SNAP25: variants seen among roughly 807,000 people sequenced by gnomAD.
SNAP25 encodes the protein synaptosome associated protein 25, also known as synaptosomal-associated protein 25.
SNAP25 carries 3 observed loss-of-function variants against 28.7 expected under a neutral mutation model. The ratio of observed to expected loss-of-function variants is 0.10; its 90% CI spans 0.05 to 0.27. The LOEUF (loss-of-function observed/expected upper bound fraction) is 0.27. Among genes scored for constraint, SNAP25 ranks in the 10% least tolerant of loss-of-function variants. The pLI, the probability that SNAP25 is intolerant of heterozygous loss-of-function variation, is 1.00. For missense variants in SNAP25, 117 were observed against 278.7 expected, an observed-to-expected ratio of 0.42 and a Z score of 4.13; for synonymous variants, 61 against 88.1, an observed-to-expected ratio of 0.69 and a Z score of 1.72.
At position 10,300,417 on chromosome 20, in the gene SNAP25, G is replaced by A. The variant is rs148767352; in HGVS notation, c.552+1005G>A. On this transcript the variant is annotated intron_variant, in intron 7 of 7. Coordinates refer to ENST00000254976, the MANE Select transcript of SNAP25 (RefSeq NM_130811.4). The stretch of plus-strand genomic sequence containing the variant: ...GAAAAAGAGACATTATAGATTTAAC[G>A]ATAATTGTACATCTATAATCTACTC... Among the ~76,000 whole-genome samples, 4 of 152,262 alleles carry A rather than the reference G, an allele frequency of 2.6e-5. No homozygotes were observed. In the East Asian group the frequency reaches 5.8e-4, roughly 22 times the overall value.
intron 1 of SNAP25, among the ~76,000 whole-genome samples, chr20:10,246,535 A>G (rs1276278830): frequency 2.0e-5 from 3 of 152,128 alleles, no homozygotes; most frequent in Admixed American, 6.5e-5. Flanking sequence ...ATGGCTACCC[A>G]CCATCCCCAG....
intron 1 of SNAP25, among the ~76,000 whole-genome samples, chr20:10,259,906 T>C (rs1044930556): frequency 1.3e-5 from 2 of 152,218 alleles, no homozygotes; most frequent in African/African-American, 2.4e-5. Context: ...GCTTCCTTCA[T>C]AGAGCCAGAG....
At chr20:10,264,008 AC>A (rs1178579805) in intron 1 of SNAP25, among the ~76,000 whole-genome samples, 1 of 152,124 alleles carries the variant, frequency 6.6e-6, no homozygotes. Context: ...AGGGCTAAAT[AC>A]CCATTTAGCC....
At chr20:10,280,940 T>C (rs1050477078) in intron 3 of SNAP25, among the ~76,000 whole-genome samples, 23 of 152,176 alleles carry the variant, frequency 1.5e-4, no homozygotes, top group African/African-American at 5.5e-4. Context: ...GATATGCAGA[T>C]GTGGGGTCTT....
intron 1 of SNAP25, among the ~76,000 whole-genome samples, chr20:10,272,345 G>A (rs1022832536): frequency 1.3e-5 from 2 of 152,138 alleles, no homozygotes; most frequent in African/African-American, 4.8e-5. Flanking sequence ...GACTCACCCA[G>A]CTTCTGAGCG....
intron 1 of SNAP25, among the ~76,000 whole-genome samples, chr20:10,271,327 A>G (rs1401226519): frequency 4.6e-5 from 7 of 152,250 alleles, no homozygotes; most frequent in Admixed American, 1.3e-4. Flanking sequence ...AAACACTAGC[A>G]GTAAACATCC....
chr20:10,238,183 G>T (rs1465298188), intron 1 of SNAP25, among the ~76,000 whole-genome samples: 1 of 152,148 alleles, frequency 6.6e-6, no homozygotes, highest in East Asian at 1.9e-4. Flanking sequence ...CCCACACATG[G>T]CAGGTGCTTT....
At chr20:10,220,541 C>T (rs751880845) in intron 1 of SNAP25, among the ~76,000 whole-genome samples, 2 of 152,108 alleles carry the variant, frequency 1.3e-5, no homozygotes, top group African/African-American at 2.4e-5. Context: ...TATGGCACTG[C>T]GGGATTTTGC....
chr20:10,282,090 G>C (rs146883916), intron 3 of SNAP25, among the ~76,000 whole-genome samples: 1 of 150,592 alleles, frequency 6.6e-6, no homozygotes, highest in Non-Finnish European at 1.5e-5. Context: ...TTGTCTACCC[G>C]TTATCCTTAG....
intron 1 of SNAP25, among the ~76,000 whole-genome samples, chr20:10,245,947 C>A (rs544029406): frequency 1.1e-3 from 174 of 152,320 alleles, no homozygotes; most frequent in Non-Finnish European, 2.0e-3. Context: ...CACTTCATGA[C>A]TGAAATTTTA....
At chr20:10,229,804 A>T (rs1211117708) in intron 1 of SNAP25, among the ~76,000 whole-genome samples, 2 of 152,306 alleles carry the variant, frequency 1.3e-5, no homozygotes, top group East Asian at 1.9e-4. Context: ...TAAGGTACTG[A>T]TCACAACTCT....
At chr20:10,265,602 G>T (rs1038382219) in intron 1 of SNAP25, among the ~76,000 whole-genome samples, 2 of 152,074 alleles carry the variant, frequency 1.3e-5, no homozygotes, top group African/African-American at 4.8e-5. Flanking sequence ...CAGTCATTTT[G>T]TCCACCCTCC....
At chr20:10,230,812 C>T (rs1467257183) in intron 1 of SNAP25, among the ~76,000 whole-genome samples, 28 of 152,126 alleles carry the variant, frequency 1.8e-4, no homozygotes, top group Non-Finnish European at 2.1e-4. Context: ...TCTCCATTTA[C>T]CCTCTGATTT....
At chr20:10,304,101 A>C (rs1341808135) in intron 7 of SNAP25, among the ~76,000 whole-genome samples, 3 of 152,204 alleles carry the variant, frequency 2.0e-5, no homozygotes, top group African/African-American at 7.2e-5. Context: ...TGATCTCAGC[A>C]AATTGAATAG....
At chr20:10,282,491 T>A (rs1223827386) in intron 3 of SNAP25, among the ~76,000 whole-genome samples, 1 of 152,208 alleles carries the variant, frequency 6.6e-6, no homozygotes, top group Non-Finnish European at 1.5e-5. Context: ...TCAAATTAGT[T>A]GCGTGAATCA....
At chr20:10,272,701 G>T (rs2063617209) in intron 1 of SNAP25, among the ~76,000 whole-genome samples, 2 of 152,164 alleles carry the variant, frequency 1.3e-5, no homozygotes, top group Admixed American at 1.3e-4. Context: ...TCGAAAATTA[G>T]CAGGCTCATC....
In SNAP25 at chr20:10,302,781, AC is replaced by A. The variant is rs1357636960; in HGVS notation, c.553-3347del. On this transcript the variant is annotated intron_variant, in intron 7 of 7. Coordinates refer to ENST00000254976, the MANE Select transcript of SNAP25 (RefSeq NM_130811.4). Reference sequence around the variant, plus strand: ...GAAGACATCTACAAGGAGATTCCAGACTTTTTTTTTTTTTTAAAAGAAGCTA... The same window carrying A: ...GAAGACATCTACAAGGAGATTCCAGATTTTTTTTTTTTTTAAAAGAAGCTA... Among the ~76,000 whole-genome samples, 475 of 147,390 alleles carry A rather than the reference AC, an allele frequency of 3.2e-3. 2 individuals carry two copies. The highest frequency in any genetic ancestry group is 0.011 in the African/African-American group (459 of 41,020).
At chr20:10,266,744 G>A (rs769822118) in intron 1 of SNAP25, among the ~76,000 whole-genome samples, 11 of 152,124 alleles carry the variant, frequency 7.2e-5, no homozygotes, top group Admixed American at 7.2e-4. Context: ...CTATAAACAT[G>A]ACAACACAGC....
chr20:10,249,740 C>G (rs1057315618), intron 1 of SNAP25, among the ~76,000 whole-genome samples: 2 of 152,114 alleles, frequency 1.3e-5, no homozygotes, highest in Non-Finnish European at 2.9e-5. Context: ...GATTTGGAGC[C>G]CAGGAATCTG....
Sources: allele counts gnomAD v4.1 joint callset (sites outside exome capture counted in the v4.1 genomes callset), GRCh38; gene constraint gnomAD v4.1.1; transcripts MANE v1.5; gene names NCBI Gene and HGNC (gene_info 2026-07-23, HGNC 2026-07-21).